PRKCA: variants seen among roughly 807,000 people sequenced by gnomAD.
PRKCA encodes the protein protein kinase C alpha, also known as protein kinase C alpha type.
In PRKCA, 27 loss-of-function variants were observed where a neutral mutation model predicts 87.0. The observed-to-expected ratio is 0.31, with a 90% confidence interval of 0.23 to 0.43. PRKCA has a LOEUF of 0.43. Ranked by LOEUF, PRKCA falls within the 20% of genes least tolerant of loss-of-function variation. PRKCA has a pLI of 1.00. For missense variants in PRKCA, 518 were observed against 852.3 expected (o/e 0.61, Z 4.88); for synonymous variants, 329 against 311.1 (o/e 1.06, Z -0.61).
intron 2 of PRKCA, among the ~76,000 whole-genome samples, chr17:66,451,951 C>A (rs963515143): frequency 6.6e-6 from 1 of 152,178 alleles, no homozygotes; most frequent in Non-Finnish European, 1.5e-5. Context: ...ATCTAACTGT[C>A]CAGAAAATTG....
chr17:66,732,200 C>T (rs1232073084), intron 8 of PRKCA, among the ~76,000 whole-genome samples: 1 of 151,860 alleles, frequency 6.6e-6, no homozygotes, highest in South Asian at 2.1e-4. Flanking sequence ...ATCCCAATGG[C>T]TTTGCCATTT....
chr17:66,547,177 A>G (rs1968167809), intron 3 of PRKCA, among the ~76,000 whole-genome samples: 1 of 152,134 alleles, frequency 6.6e-6, no homozygotes, highest in Non-Finnish European at 1.5e-5. Context: ...TGTATGTTAC[A>G]TCTCTGTACT....
intron 2 of PRKCA, among the ~76,000 whole-genome samples, chr17:66,318,427 T>G (rs1905445137): frequency 6.6e-6 from 1 of 152,194 alleles, no homozygotes; most frequent in Non-Finnish European, 1.5e-5. Flanking sequence ...TTTACTTATT[T>G]TGTACAACTA....
intron 5 of PRKCA, 37 bp from the exon 6 acceptor site, chr17:66,687,074 C>A: frequency 1.3e-6 from 2 of 1,562,566 alleles, no homozygotes; most frequent in South Asian, 2.3e-5. Context: ...TAGGTCTGTT[C>A]TCTTTTTGTA....
chr17:66,697,654 A>G (rs77735205), intron 8 of PRKCA, among the ~76,000 whole-genome samples: 10,293 of 152,258 alleles, frequency 0.068, 382 homozygotes, highest in South Asian at 0.14. Flanking sequence ...TGAGATAATC[A>G]GCATGGCTGA....
At chr17:66,364,578 C>G (rs1908590447) in intron 2 of PRKCA, among the ~76,000 whole-genome samples, 1 of 152,116 alleles carries the variant, frequency 6.6e-6, no homozygotes, top group Non-Finnish European at 1.5e-5. Flanking sequence ...GATGCCAGCT[C>G]TACCAGAAAA....
At position 66,738,851 on chromosome 17, in the gene PRKCA, G is replaced by A; in HGVS notation, c.1318G>A (p.Ala440Thr). 6.2e-7 allele frequency: 1 copy of A among 1,610,468 alleles called. No homozygotes were observed. The highest frequency in any genetic ancestry group is 8.5e-7 in the Non-Finnish European group (1 of 1,176,882). ...QQVGKFKEPQ[A>T]VFYAAEISIG... is the part of the protein sequence containing the mutation. ...AGTAGGAAAATTTAAGGAACCACAA[G>A]CAGTGTGAGTATTATTTTTTAAGTC... The change falls in exon 11 of 17, where the codon GCA (alanine) becomes ACA (threonine). Residue 440 changes from alanine to threonine, a missense_variant. Coordinates refer to ENST00000413366, the MANE Select transcript of PRKCA (RefSeq NM_002737.3).
chr17:66,475,123 C>G (rs142688678), intron 2 of PRKCA, among the ~76,000 whole-genome samples: 8 of 152,290 alleles, frequency 5.3e-5, no homozygotes, highest in South Asian at 2.1e-4. Context: ...GGTGAATCCC[C>G]TACTCCTCTT....
At chr17:66,562,178 AATT>A (rs966943350) in intron 3 of PRKCA, among the ~76,000 whole-genome samples, 3 of 86,300 alleles carry the variant, frequency 3.5e-5, no homozygotes, top group South Asian at 4.1e-4. Flanking sequence ...AAATATATAT[AATT>A]AAGTTATATA....
intron 8 of PRKCA, among the ~76,000 whole-genome samples, chr17:66,728,125 G>A (rs1453014708): frequency 1.3e-5 from 2 of 152,224 alleles, no homozygotes; most frequent in Non-Finnish European, 2.9e-5. Flanking sequence ...GCCTGCAGGT[G>A]GCAGCGTGGA....
chr17:66,700,581 T>A (rs553005424), intron 8 of PRKCA, among the ~76,000 whole-genome samples: 1 of 152,290 alleles, frequency 6.6e-6, no homozygotes, highest in South Asian at 2.1e-4. Flanking sequence ...TTGTTAGAAC[T>A]AATGAACAAA....
At chr17:66,725,614 C>T (rs1440774274) in intron 8 of PRKCA, among the ~76,000 whole-genome samples, 1 of 150,956 alleles carries the variant, frequency 6.6e-6, no homozygotes, top group Non-Finnish European at 1.5e-5. Flanking sequence ...CGTTTGAGAC[C>T]AGCCTGGGCA....
chr17:66,550,935 C>A (rs1567892560), intron 3 of PRKCA, among the ~76,000 whole-genome samples: 1 of 152,160 alleles, frequency 6.6e-6, no homozygotes, highest in Non-Finnish European at 1.5e-5. Context: ...TAAACGGCTT[C>A]TTTTCTTTTA....
intron 3 of PRKCA, among the ~76,000 whole-genome samples, chr17:66,629,988 A>G (rs894614653): frequency 6.6e-6 from 1 of 152,178 alleles, no homozygotes. Flanking sequence ...AGCTGGTGAA[A>G]GGTCCATGGG....
intron 3 of PRKCA, among the ~76,000 whole-genome samples, chr17:66,506,819 G>T (rs2144153148): frequency 6.6e-6 from 1 of 152,294 alleles, no homozygotes; most frequent in South Asian, 2.1e-4. Context: ...TGGTATGATG[G>T]ATTCCTTGTT....
chr17:66,547,257 A>G (rs1968170802), intron 3 of PRKCA, among the ~76,000 whole-genome samples: 1 of 152,182 alleles, frequency 6.6e-6, no homozygotes, highest in Admixed American at 6.5e-5. Context: ...TTTCAAAACC[A>G]AGACAAGTCT....
At chr17:66,682,970 G>GATGT (rs1216871276) in intron 5 of PRKCA, among the ~76,000 whole-genome samples, 3 of 152,128 alleles carry the variant, frequency 2.0e-5, no homozygotes. Flanking sequence ...ATTTCTGAAG[G>GATGT]TACTGTACGG....
intron 3 of PRKCA, among the ~76,000 whole-genome samples, chr17:66,498,518 C>A (rs191730911): frequency 8.7e-4 from 132 of 152,156 alleles, no homozygotes; most frequent in Middle Eastern, 3.4e-3. Context: ...GTTGAGTATT[C>A]TTTATTGAGA....
chr17:66,775,124 GT>G, intron 14 of PRKCA: 1 of 985,012 alleles, frequency 1.0e-6, no homozygotes, highest in Non-Finnish European at 1.2e-6. Context: ...CAAGATGGTG[GT>G]GCTGATGGAT....
Sources: gnomAD v4.1 joint callset for allele counts (sites outside exome capture counted in the v4.1 genomes callset) on GRCh38, gnomAD v4.1.1 for gene constraint, MANE v1.5 for transcripts, NCBI Gene and HGNC (gene_info 2026-07-23, HGNC 2026-07-21) for gene names.